The following MAGI2 variants were observed in gnomAD, a reference collection of about 807,000 sequenced individuals.
MAGI2 encodes the protein membrane-associated guanylate kinase, WW and PDZ domain-containing protein 2.
In MAGI2, 35 loss-of-function variants were observed where a neutral mutation model predicts 133.3. The observed-to-expected ratio is 0.26, with a 90% confidence interval of 0.20 to 0.35. The LOEUF (loss-of-function observed/expected upper bound fraction) is 0.35, where lower values mean the gene tolerates loss of function less well. Ranked by LOEUF, MAGI2 falls within the 10% of genes least tolerant of loss-of-function variation. MAGI2 has a pLI of 1.00. For synonymous variants in MAGI2, 729 were observed against 710.6 expected (o/e 1.03, Z -0.41); for missense variants, 1,636 against 1,863.4 (o/e 0.88, Z 2.25).
intron 2 of MAGI2, among the ~76,000 whole-genome samples, chr7:78,782,741 C>T (rs555036266): frequency 3.9e-5 from 6 of 152,190 alleles, no homozygotes; most frequent in South Asian, 2.1e-4. Flanking sequence ...CAGATATGGC[C>T]TGGGCAAAGC....
At chr7:78,567,245 A>T (rs1801033753) in intron 3 of MAGI2, among the ~76,000 whole-genome samples, 1 of 152,162 alleles carries the variant, frequency 6.6e-6, no homozygotes, top group Admixed American at 6.5e-5. Flanking sequence ...TTCAGAAGAG[A>T]GGAACTACAA....
chr7:78,245,797 G>A (rs759886275), intron 10 of MAGI2, among the ~76,000 whole-genome samples: 7 of 152,142 alleles, frequency 4.6e-5, no homozygotes, highest in Non-Finnish European at 8.8e-5. Context: ...GAGGTGTCAG[G>A]AGTCCACACA....
intron 1 of MAGI2, among the ~76,000 whole-genome samples, chr7:79,026,058 T>A (rs4727796): frequency 0.59 from 89,413 of 152,038 alleles, 26,619 homozygotes; most frequent in East Asian, 0.63. Context: ...TCAATTGTCC[T>A]TACCTGAAGT....
At chr7:78,896,865 C>T (rs1797257961) in intron 2 of MAGI2, among the ~76,000 whole-genome samples, 1 of 152,142 alleles carries the variant, frequency 6.6e-6, no homozygotes, top group Non-Finnish European at 1.5e-5. Context: ...CAACGATATT[C>T]ATTGCCTCTT....
chr7:78,314,246 T>C (rs1787176917), intron 9 of MAGI2, among the ~76,000 whole-genome samples: 1 of 152,218 alleles, frequency 6.6e-6, no homozygotes, highest in Non-Finnish European at 1.5e-5. Flanking sequence ...ATATTTTATA[T>C]GATATACTCA....
intron 3 of MAGI2, among the ~76,000 whole-genome samples, chr7:78,561,320 A>G (rs1030919961): frequency 5.3e-5 from 8 of 152,130 alleles, no homozygotes; most frequent in African/African-American, 1.9e-4. Flanking sequence ...AGAATGGCCA[A>G]TGGAGTTAAA....
chr7:78,423,026 TAAAA>T (rs1387540405), intron 6 of MAGI2, among the ~76,000 whole-genome samples: 1 of 152,206 alleles, frequency 6.6e-6, no homozygotes, highest in African/African-American at 2.4e-5. Context: ...CAAAATAAAT[TAAAA>T]GAAACATTTT....
chr7:79,381,638 A>G (rs1176894609), intron 1 of MAGI2, among the ~76,000 whole-genome samples: 1 of 151,702 alleles, frequency 6.6e-6, no homozygotes, highest in Non-Finnish European at 1.5e-5. Context: ...ACCAGATTTG[A>G]GATTAGGCAG....
chr7:78,603,537 C>T (rs1031173387), intron 3 of MAGI2, among the ~76,000 whole-genome samples: 1 of 152,076 alleles, frequency 6.6e-6, no homozygotes, highest in Non-Finnish European at 1.5e-5. Flanking sequence ...TTTCTATTTT[C>T]TTTTGAGATG....
At chr7:78,678,202 T>G (rs1336853981) in intron 2 of MAGI2, among the ~76,000 whole-genome samples, 1 of 152,146 alleles carries the variant, frequency 6.6e-6, no homozygotes, top group East Asian at 1.9e-4. Context: ...TCACCTTTTA[T>G]TTATCTTTTA....
rs568627628 is a variant in MAGI2, at chr7:78,346,775, G to A, written c.1104-732C>T. Among the ~76,000 whole-genome samples the A allele has an allele frequency of 2.6e-5, 4 of 152,254 alleles. No individual in the cohort carries two copies. The East Asian group carries it at 5.8e-4, about 22-fold the overall frequency. ...GAGTTCCTTATCTGTGGGGAGAGTAGAAACCAACAAATCTGCTTTTAGTGG... is the reference window on the plus strand; with the variant it reads ...GAGTTCCTTATCTGTGGGGAGAGTAAAAACCAACAAATCTGCTTTTAGTGG... On this transcript the variant is annotated intron_variant, in intron 7 of 21. Transcript: ENST00000354212.
At chr7:78,081,616 T>C (rs888378126) in intron 20 of MAGI2, among the ~76,000 whole-genome samples, 40 of 152,256 alleles carry the variant, frequency 2.6e-4, no homozygotes, top group Middle Eastern at 3.4e-3. Context: ...GAGTAGCATA[T>C]GTAAAGGCTG....
intron 6 of MAGI2, among the ~76,000 whole-genome samples, chr7:78,413,835 A>T (rs1363980476): frequency 6.6e-6 from 1 of 152,068 alleles, no homozygotes; most frequent in African/African-American, 2.4e-5. Context: ...AGACGAAAGA[A>T]AATCTCCTAT....
chr7:79,447,631 A>T (rs770552505), intron 1 of MAGI2, among the ~76,000 whole-genome samples: 8 of 151,906 alleles, frequency 5.3e-5, no homozygotes, highest in Non-Finnish European at 1.2e-4. Flanking sequence ...CTTTCATACA[A>T]AGTATGAAAA....
rs73375261 is a variant in MAGI2 at position 78,936,590 on chromosome 7, A to T, written c.418+70500T>A. ...AAACCTGAAAAGAATAACACTAAAA[A>T]TAACACTATAGCCCATTCCTATTAA... On this transcript the variant is annotated intron_variant, in intron 2 of 21. Coordinates refer to ENST00000354212, the MANE Select transcript of MAGI2 (RefSeq NM_012301.4). Among the ~76,000 whole-genome samples the T allele has an allele frequency of 4.6e-3, 698 of 152,146 alleles. 3 individuals carry two copies. Among genetic ancestry groups the T allele is most frequent in the African/African-American group, 0.016 (657 of 41,576 alleles).
chr7:79,192,725 C>G (rs1464471224), intron 1 of MAGI2, among the ~76,000 whole-genome samples: 1 of 151,712 alleles, frequency 6.6e-6, no homozygotes, highest in African/African-American at 2.4e-5. Flanking sequence ...AAGAGAGATA[C>G]AAAGAGGACA....
At chr7:78,879,285 G>A (rs529352981) in intron 2 of MAGI2, among the ~76,000 whole-genome samples, 6 of 152,248 alleles carry the variant, frequency 3.9e-5, no homozygotes, top group African/African-American at 1.4e-4. Context: ...TAAGACCTCT[G>A]TGCACTACAT....
At chr7:78,604,815 C>T (rs747118405) in intron 3 of MAGI2, among the ~76,000 whole-genome samples, 3 of 152,188 alleles carry the variant, frequency 2.0e-5, no homozygotes, top group Non-Finnish European at 2.9e-5. Flanking sequence ...TGGCATTGTG[C>T]TATCAATCTT....
intron 6 of MAGI2, among the ~76,000 whole-genome samples, chr7:78,464,103 T>A (rs1385864391): frequency 2.0e-5 from 3 of 152,188 alleles, no homozygotes; most frequent in African/African-American, 7.2e-5. Context: ...ATCATTATCA[T>A]AATTATTGCT....
Sources: allele counts gnomAD v4.1 joint callset (sites outside exome capture counted in the v4.1 genomes callset), GRCh38; gene constraint gnomAD v4.1.1; transcripts MANE v1.5; gene names NCBI Gene and HGNC (gene_info 2026-07-23, HGNC 2026-07-21).